The following NEBL variants were observed in gnomAD, a reference collection of about 807,000 sequenced individuals.
NEBL encodes the protein LIM and SH3 protein 2.
Under a neutral mutation model 140.2 loss-of-function variants are expected in NEBL, and 122 were observed. The observed-to-expected ratio is 0.87, with a 90% CI of 0.75 to 1.01. The LOEUF (loss-of-function observed/expected upper bound fraction) is 1.01. Among genes scored for constraint, NEBL ranks in the 50% least tolerant of loss-of-function variants. The pLI is 0.00. For missense variants in NEBL, 1,365 were observed against 1,231.3 expected (o/e 1.11, Z -1.62); for synonymous variants, 436 against 398.9 (o/e 1.09, Z -1.11).
chr10:20,969,771 C>A (rs1425050158), intron 3 of NEBL, among the ~76,000 whole-genome samples: 1 of 152,018 alleles, frequency 6.6e-6, no homozygotes, highest in Non-Finnish European at 1.5e-5. Flanking sequence ...TCTCAAACTC[C>A]TGACCTCAAG....
chr10:21,266,362 G>C (rs992745375), intron 1 of NEBL, among the ~76,000 whole-genome samples: 2 of 151,996 alleles, frequency 1.3e-5, no homozygotes, highest in Admixed American at 6.6e-5. Flanking sequence ...GGCTAGTCTC[G>C]AACTCCTGAG....
intron 2 of NEBL, among the ~76,000 whole-genome samples, chr10:21,093,411 TC>T (rs1193098459): frequency 6.6e-6 from 1 of 152,120 alleles, no homozygotes; most frequent in African/African-American, 2.4e-5. Flanking sequence ...TTGCTCTGTC[TC>T]CTCCTCTCAC....
intron 3 of NEBL, among the ~76,000 whole-genome samples, chr10:21,011,938 G>A (rs923510383): frequency 6.6e-6 from 1 of 152,230 alleles, no homozygotes; most frequent in Non-Finnish European, 1.5e-5. Flanking sequence ...CTATGGGAGA[G>A]ACTAAGATTC....
At chr10:20,796,995 C>A (rs1588620629) in intron 26 of NEBL, among the ~76,000 whole-genome samples, 1 of 152,152 alleles carries the variant, frequency 6.6e-6, no homozygotes, top group East Asian at 1.9e-4. Context: ...CTGATAAGAA[C>A]TACGTAATTC....
intron 1 of NEBL, among the ~76,000 whole-genome samples, chr10:21,261,016 G>A (rs1842732153): frequency 6.6e-6 from 1 of 152,164 alleles, no homozygotes; most frequent in South Asian, 2.1e-4. Flanking sequence ...ATCGTGGATG[G>A]CAAGGCATGC....
At chr10:21,283,649 G>A (rs989285311) in intron 1 of NEBL, among the ~76,000 whole-genome samples, 1 of 152,072 alleles carries the variant, frequency 6.6e-6, no homozygotes, top group African/African-American at 2.4e-5. Flanking sequence ...GCAGAGTCTG[G>A]AATAAGACCC....
chr10:21,067,255 G>A (rs1835609210), intron 2 of NEBL, among the ~76,000 whole-genome samples: 1 of 152,146 alleles, frequency 6.6e-6, no homozygotes, highest in South Asian at 2.1e-4. Context: ...ACAGGTGTGA[G>A]CCACCGCGCC....
At chr10:21,088,363 T>C (rs1030041310) in intron 2 of NEBL, among the ~76,000 whole-genome samples, 1 of 152,088 alleles carries the variant, frequency 6.6e-6, no homozygotes. Flanking sequence ...ATCTGGGTGT[T>C]GTGGTCCCAG....
intron 2 of NEBL, among the ~76,000 whole-genome samples, chr10:21,052,653 A>G (rs535052134): frequency 6.6e-6 from 1 of 152,348 alleles, no homozygotes; most frequent in South Asian, 2.1e-4. Context: ...AAATGGCATG[A>G]TCTTGAAAGA....
At chr10:21,112,147 G>A (rs1050772639) in intron 2 of NEBL, among the ~76,000 whole-genome samples, 5 of 152,144 alleles carry the variant, frequency 3.3e-5, no homozygotes, top group African/African-American at 9.7e-5. Flanking sequence ...TGGTGGGAGT[G>A]TAGATTAGTT....
intron 2 of NEBL, among the ~76,000 whole-genome samples, chr10:21,054,878 C>T (rs1365486285): frequency 1.3e-5 from 2 of 152,102 alleles, no homozygotes; most frequent in East Asian, 3.9e-4. Flanking sequence ...GAGTTAATTA[C>T]CCAGGCACTG....
At chr10:20,986,969 A>C (rs950951409) in intron 3 of NEBL, among the ~76,000 whole-genome samples, 2 of 152,212 alleles carry the variant, frequency 1.3e-5, no homozygotes, top group Non-Finnish European at 2.9e-5. Flanking sequence ...TCGACTTACT[A>C]TCTTTGGAGT....
intron 5 of NEBL, among the ~76,000 whole-genome samples, chr10:20,879,222 G>A (rs1372028544): frequency 2.0e-5 from 3 of 152,192 alleles, no homozygotes; most frequent in Non-Finnish European, 4.4e-5. Context: ...AGACTCAGGA[G>A]TTTGATTTCT....
chr10:20,957,801 A>C (rs1348923417), intron 4 of NEBL, among the ~76,000 whole-genome samples: 3 of 152,120 alleles, frequency 2.0e-5, no homozygotes, highest in African/African-American at 7.2e-5. Context: ...CCTTCATTTG[A>C]TATTTCTCTT....
intron 4 of NEBL, among the ~76,000 whole-genome samples, chr10:20,927,263 A>G (rs1833957514): frequency 6.6e-6 from 1 of 152,266 alleles, no homozygotes; most frequent in South Asian, 2.1e-4. Context: ...ATAGCCGACT[A>G]TGAACTTCAA....
At chr10:20,915,698 T>C (rs980942283) in intron 4 of NEBL, among the ~76,000 whole-genome samples, 8 of 152,090 alleles carry the variant, frequency 5.3e-5, no homozygotes, top group African/African-American at 1.9e-4. Flanking sequence ...CTACTGTGAA[T>C]AGTGCCACAA....
Position 21,264,367 on chromosome 10 carries a change from G to A in NEBL, n.183-12539C>T, listed in dbSNP as rs113555194. 2.1e-4 allele frequency among the ~76,000 whole-genome samples: 32 copies of A among 152,312 alleles called. 1 individual carries two copies. Among genetic ancestry groups the A allele is most frequent in the African/African-American group, 7.0e-4 (29 of 41,576 alleles). On this transcript the variant is annotated intron_variant and non_coding_transcript_variant, in intron 1 of 8. Transcript: ENST00000675702. ...GCACATGGCCCTCTGCAAGGAGCTA[G>A]AGAAGAGGCATTTGCTGGGCCTTTG...
chr10:21,285,949 C>A (rs991348940), intron 1 of NEBL, among the ~76,000 whole-genome samples: 11 of 152,168 alleles, frequency 7.2e-5, no homozygotes, highest in African/African-American at 2.4e-4. Context: ...TAATTTTGAA[C>A]TTCTCGCCCT....
intron 3 of NEBL, among the ~76,000 whole-genome samples, chr10:21,012,507 G>A (rs1330588141): frequency 6.6e-6 from 1 of 151,992 alleles, no homozygotes; most frequent in Admixed American, 6.5e-5. Flanking sequence ...CTACAAGCAT[G>A]AGCCACCATG....
Sources: allele counts gnomAD v4.1 joint callset (sites outside exome capture counted in the v4.1 genomes callset), GRCh38; gene constraint gnomAD v4.1.1; transcripts MANE v1.5; gene names NCBI Gene and HGNC (gene_info 2026-07-23, HGNC 2026-07-21).